The following EFHC2 variants were observed in gnomAD, a reference collection of about 807,000 sequenced individuals.
EFHC2 encodes the protein EF-hand domain-containing family member C2.
A neutral mutation model predicts 52.7 loss-of-function variants in EFHC2; 18 were observed. The ratio of observed to expected loss-of-function variants is 0.34; its 90% CI spans 0.24 to 0.51. The LOEUF (loss-of-function observed/expected upper bound fraction) is 0.51, where lower values mean the gene tolerates loss of function less well. Ranked by LOEUF, EFHC2 falls within the 20% of genes least tolerant of loss-of-function variation. The pLI is 0.97. For synonymous variants in EFHC2, 203 were observed against 204.1 expected (o/e 0.99, Z 0.04); for missense variants, 513 against 562.5 (o/e 0.91, Z 0.89).
At chrX:44,318,846 G>A (rs1360036767) in intron 1 of EFHC2, among the ~76,000 whole-genome samples, 2 of 110,915 alleles carry the variant, frequency 1.8e-5, no homozygotes, top group Non-Finnish European at 3.8e-5. Context: ...TTCACTGGTT[G>A]CCAAATTGAA....
At chrX:44,262,057 G>C (rs769982927) in intron 3 of EFHC2, among the ~76,000 whole-genome samples, 1 of 111,061 alleles carries the variant, frequency 9.0e-6, no homozygotes, top group African/African-American at 3.3e-5. Context: ...TTCTCCTCTT[G>C]AGAATATGTT....
At chrX:44,304,316 G>A (rs1012191114) in intron 2 of EFHC2, among the ~76,000 whole-genome samples, 16 of 111,787 alleles carry the variant, frequency 1.4e-4, no homozygotes, top group African/African-American at 4.9e-4. Context: ...TTACAGATCA[G>A]CTAGCCAAGT....
chrX:44,292,365 A>T (rs1222756308), intron 2 of EFHC2, among the ~76,000 whole-genome samples: 3 of 111,328 alleles, frequency 2.7e-5, no homozygotes, highest in Non-Finnish European at 5.7e-5. Context: ...CACAAGTCTA[A>T]ATAAGAAATT....
At chrX:44,315,449 C>A (rs966175894) in intron 1 of EFHC2, among the ~76,000 whole-genome samples, 4 of 111,622 alleles carry the variant, frequency 3.6e-5, no homozygotes, top group Non-Finnish European at 7.5e-5. Flanking sequence ...TTTTATATCT[C>A]ATTTATTATC....
chrX:44,219,952 C>G (rs73628322), intron 11 of EFHC2, among the ~76,000 whole-genome samples: 1 of 111,258 alleles, frequency 9.0e-6, no homozygotes, highest in Admixed American at 9.5e-5. Flanking sequence ...AATGTTCTTT[C>G]TGAAAAACTG....
intron 13 of EFHC2, among the ~76,000 whole-genome samples, chrX:44,174,471 T>C (rs1219572887): frequency 9.0e-6 from 1 of 110,772 alleles, no homozygotes; most frequent in Non-Finnish European, 1.9e-5. Context: ...TAAATAGCAC[T>C]GTGAGAATTC....
At chrX:44,211,542 C>T (rs1224167730) in intron 11 of EFHC2, among the ~76,000 whole-genome samples, 1 of 104,430 alleles carries the variant, frequency 9.6e-6, no homozygotes, top group African/African-American at 3.5e-5. Context: ...AAACAAAAAA[C>T]AGTTTGGGAA....
At chrX:44,255,583 A>G (rs1006365415) in intron 4 of EFHC2, among the ~76,000 whole-genome samples, 1 of 112,003 alleles carries the variant, frequency 8.9e-6, no homozygotes, top group African/African-American at 3.2e-5. Context: ...ACTATACTAA[A>G]TATATATGCA....
chrX:44,337,393 G>A (rs2038123791), intron 1 of EFHC2, among the ~76,000 whole-genome samples: 1 of 110,920 alleles, frequency 9.0e-6, no homozygotes, highest in South Asian at 3.7e-4. Context: ...AGAACTTTTA[G>A]GCCTACTTGG....
intron 13 of EFHC2, 57 bp from the exon 14 acceptor site, chrX:44,164,084 A>G: frequency 1.4e-6 from 1 of 731,640 alleles, no homozygotes; most frequent in South Asian, 3.7e-5. Context: ...CAAGACCAAA[A>G]TGTCAGTTTC....
rs1333031688 is a variant in EFHC2, at chrX:44,275,905, C to T, written c.232-3069G>A. On this transcript the variant is annotated intron_variant, in intron 2 of 14. Transcript: ENST00000420999. ...CTCCAGCCTGGGTGATAGAGTGAGA[C>T]GCCATCTCAAAAAAAAAAAAAAGAA... Among the ~76,000 whole-genome samples, 6 of 100,184 alleles carry T rather than the reference C, an allele frequency of 6.0e-5. No homozygotes were observed. The East Asian group carries it at 9.3e-4, about 16-fold the overall frequency. 87.0% of individuals were successfully genotyped at this position (100,184 alleles called of 115,157 possible). A position where few individuals can be genotyped will look rare whatever the true frequency, so the allele number is the denominator to read the frequency against.
At chrX:44,190,412 T>C (rs1203387474) in intron 11 of EFHC2, among the ~76,000 whole-genome samples, 2 of 111,844 alleles carry the variant, frequency 1.8e-5, no homozygotes, top group Non-Finnish European at 3.8e-5. Context: ...CAAGATAATA[T>C]GGCAAATGGG....
intron 1 of EFHC2, among the ~76,000 whole-genome samples, chrX:44,333,926 A>G (rs1281010275): frequency 2.7e-5 from 3 of 111,637 alleles, no homozygotes; most frequent in Non-Finnish European, 5.6e-5. Flanking sequence ...AACTGAGGCA[A>G]CTATTTTGCA....
intron 3 of EFHC2, 124 bp from the exon 4 acceptor site, chrX:44,261,422 G>A: frequency 1.8e-6 from 1 of 571,025 alleles, no homozygotes; most frequent in South Asian, 3.8e-5. Flanking sequence ...ACTCGTTCTA[G>A]GAAGCAGCAT....
rs181779650 is a variant in EFHC2, at chrX:44,319,427, C to T, written c.43-6671G>A. ...TGCGCTGTCTCTGCACACAAACACCCGGGCCTCACTCTTTCCAGGGATGCC... is the reference window on the plus strand; with the variant it reads ...TGCGCTGTCTCTGCACACAAACACCTGGGCCTCACTCTTTCCAGGGATGCC... On this transcript the variant is annotated intron_variant, in intron 1 of 14. Transcript: ENST00000420999. Among the ~76,000 whole-genome samples the T allele has an allele frequency of 9.2e-3, 1,027 of 111,449 alleles. 11 individuals carry two copies. Among genetic ancestry groups the T allele is most frequent in the African/African-American group, 0.032 (980 of 30,664 alleles).
chrX:44,181,480 T>C (rs1432753620), intron 11 of EFHC2, among the ~76,000 whole-genome samples: 1 of 112,020 alleles, frequency 8.9e-6, no homozygotes, highest in Non-Finnish European at 1.9e-5. Context: ...CATACACCTT[T>C]CACTAAACTT....
At chrX:44,226,873 C>A (rs1008093071) in intron 11 of EFHC2, among the ~76,000 whole-genome samples, 1 of 105,246 alleles carries the variant, frequency 9.5e-6, no homozygotes, top group African/African-American at 3.5e-5. Context: ...TGCACATGTA[C>A]CCCAGAATTT....
rs148084277 is a variant in EFHC2 at position 44,149,462 on chromosome X, T to C, written c.2149-566A>G. Among the ~76,000 whole-genome samples, 534 of 112,602 alleles carry C rather than the reference T, an allele frequency of 4.7e-3. 15 individuals are homozygous for C. The East Asian group carries it at 0.11, about 23-fold the overall frequency. On this transcript the variant is annotated intron_variant, in intron 14 of 14. Coordinates refer to ENST00000420999, the MANE Select transcript of EFHC2 (RefSeq NM_025184.4). ...AAATTTAAGGAGTTGTTATGCAGCA[T>C]GAATACGCTGATAGATCCTCCTATA...
intron 2 of EFHC2, among the ~76,000 whole-genome samples, chrX:44,304,010 A>G (rs1349142106): frequency 8.9e-6 from 1 of 112,605 alleles, no homozygotes; most frequent in Admixed American, 9.4e-5. Flanking sequence ...TGTAGAGTCT[A>G]TGTAAATGGG....
Sources: gnomAD v4.1 joint callset for allele counts (sites outside exome capture counted in the v4.1 genomes callset) on GRCh38, gnomAD v4.1.1 for gene constraint, MANE v1.5 for transcripts, NCBI Gene and HGNC (gene_info 2026-07-23, HGNC 2026-07-21) for gene names.